The following NRG2 variants were observed in gnomAD, a reference collection of about 807,000 sequenced individuals.
NRG2 encodes the protein neuregulin 2, also known as pro-neuregulin-2, membrane-bound isoform.
Under a neutral mutation model 73.9 loss-of-function variants are expected in NRG2, and 27 were observed. The ratio of observed to expected loss-of-function variants is 0.37; its 90% CI spans 0.27 to 0.50. NRG2 has a LOEUF of 0.50. Among genes scored for constraint, NRG2 ranks in the 20% least tolerant of loss-of-function variants. The pLI, the probability that NRG2 is intolerant of heterozygous loss-of-function variation, is 0.96. For synonymous variants in NRG2, 532 were observed against 541.0 expected, an observed-to-expected ratio of 0.98 and a Z score of 0.23; for missense variants, 1,126 against 1,210.1, an observed-to-expected ratio of 0.93 and a Z score of 1.03.
intron 1 of NRG2, 51 bp downstream of exon 1, chr5:140,042,319 C>T (rs1206484034): frequency 2.2e-6 from 3 of 1,337,272 alleles, no homozygotes; most frequent in Admixed American, 2.6e-5. Context: ...CCCCATTCTC[C>T]ACCACCTCGC....
intron 1 of NRG2, among the ~76,000 whole-genome samples, chr5:139,918,099 T>A (rs1751401143): frequency 6.6e-6 from 1 of 152,258 alleles, no homozygotes; most frequent in Non-Finnish European, 1.5e-5. Flanking sequence ...TGCGCGTGGA[T>A]ATTCCATTGT....
chr5:139,942,909 C>T lies in NRG2; in HGVS notation c.701-55398G>A, dbSNP rs141560397. The stretch of plus-strand genomic sequence containing the variant: ...AGGCTAGAGTGCAGTGGTGGCATCT[C>T]GGCTTACTGCAACCTCCACCTTCTA... On this transcript the variant is annotated intron_variant, in intron 1 of 9. Transcript: ENST00000361474. Among the ~76,000 whole-genome samples, 17 of 152,300 alleles carry T rather than the reference C, an allele frequency of 1.1e-4. No homozygotes were observed. In the East Asian group the frequency reaches 2.1e-3, roughly 19 times the overall value.
At chr5:140,002,536 C>T (rs1758570056) in intron 1 of NRG2, among the ~76,000 whole-genome samples, 1 of 152,162 alleles carries the variant, frequency 6.6e-6, no homozygotes, top group African/African-American at 2.4e-5. Flanking sequence ...GAGACAGGAA[C>T]ATGTCTGACA....
intron 1 of NRG2, among the ~76,000 whole-genome samples, chr5:140,030,979 T>C (rs1404117073): frequency 2.0e-5 from 3 of 152,150 alleles, no homozygotes; most frequent in African/African-American, 4.8e-5. Context: ...GGAAGATGAC[T>C]TCTGGAAAAA....
chr5:139,905,488 T>C (rs562604997), intron 1 of NRG2, among the ~76,000 whole-genome samples: 1 of 152,184 alleles, frequency 6.6e-6, no homozygotes, highest in Non-Finnish European at 1.5e-5. Flanking sequence ...AGGATTCTCC[T>C]TAGGAGAGCC....
intron 1 of NRG2, among the ~76,000 whole-genome samples, chr5:140,030,261 T>A (rs1761028357): frequency 6.6e-6 from 1 of 152,198 alleles, no homozygotes; most frequent in South Asian, 2.1e-4. Flanking sequence ...AGGAAGCCCA[T>A]CAAACCCACT....
At chr5:139,923,380 T>A (rs777345821) in intron 1 of NRG2, among the ~76,000 whole-genome samples, 1 of 152,172 alleles carries the variant, frequency 6.6e-6, no homozygotes, top group Non-Finnish European at 1.5e-5. Context: ...TCCTAGGCAC[T>A]CTGTTGGGGA....
At chr5:139,995,547 A>G (rs1757959455) in intron 1 of NRG2, among the ~76,000 whole-genome samples, 1 of 152,198 alleles carries the variant, frequency 6.6e-6, no homozygotes, top group Non-Finnish European at 1.5e-5. Flanking sequence ...ATTGCTCTTT[A>G]GACCAGGAGC....
At chr5:139,934,886 C>T (rs1393247949) in intron 1 of NRG2, among the ~76,000 whole-genome samples, 8 of 152,104 alleles carry the variant, frequency 5.3e-5, no homozygotes, top group South Asian at 2.1e-4. Flanking sequence ...CAATCCTGGC[C>T]GGGCGCGGTG....
intron 1 of NRG2, among the ~76,000 whole-genome samples, chr5:139,940,339 C>T (rs1389767946): frequency 3.9e-5 from 6 of 152,184 alleles, no homozygotes; most frequent in African/African-American, 1.2e-4. Flanking sequence ...AGGAACCAGA[C>T]ACAAAAGAAT....
At chr5:139,860,346 G>T (rs140669732) in intron 5 of NRG2, among the ~76,000 whole-genome samples, 280 of 152,070 alleles carry the variant, frequency 1.8e-3, no homozygotes, top group African/African-American at 6.1e-3. Context: ...CAGACAGCTT[G>T]CCCAGCTCCC....
intron 1 of NRG2, among the ~76,000 whole-genome samples, chr5:139,896,368 A>T (rs764403465): frequency 5.3e-5 from 8 of 152,192 alleles, no homozygotes; most frequent in Admixed American, 2.0e-4. Context: ...GAACAGGCTC[A>T]TGTGCTCACC....
In NRG2 at chr5:140,043,272, C is replaced by G. The variant is rs1480012726; in HGVS notation, c.-203G>C. The G allele has an allele frequency of 5.2e-6, 3 of 573,346 alleles. No individual in the cohort carries two copies. In the East Asian group the frequency reaches 9.9e-5, roughly 19 times the overall value. The allele number at this position is 573,346 out of a possible 1,614,324, so 35.5% of individuals were successfully genotyped here. A position where few individuals can be genotyped will look rare whatever the true frequency, so the allele number is the denominator to read the frequency against. ...AGCGCGGCGCAGCGCAGCGCTCCCA[C>G]CCTGTGCGCCAGGACCTGGAGGAGG... On this transcript the variant is annotated 5_prime_UTR_variant, in exon 1 of 10. Coordinates refer to ENST00000361474, the MANE Select transcript of NRG2 (RefSeq NM_004883.3). The surrounding 1 kb of genome is among the most constrained non-coding windows in gnomAD (Gnocchi z 6.7).
chr5:139,994,985 C>T (rs1757919749), intron 1 of NRG2, among the ~76,000 whole-genome samples: 1 of 152,040 alleles, frequency 6.6e-6, no homozygotes, highest in African/African-American at 2.4e-5. Flanking sequence ...CCTTGGAGGC[C>T]AGGCTGAGGA....
At chr5:140,019,999 C>T (rs536179418) in intron 1 of NRG2, among the ~76,000 whole-genome samples, 5 of 152,234 alleles carry the variant, frequency 3.3e-5, no homozygotes, top group East Asian at 3.9e-4. Flanking sequence ...GATGTCCATC[C>T]GCCTCAGCCT....
chr5:139,848,232 C>A lies in NRG2; in HGVS notation c.2238G>T (p.Ser746=). The A allele has an allele frequency of 8.6e-7, 1 of 1,167,982 alleles. No homozygotes were observed. The highest frequency in any genetic ancestry group is 1.1e-6 in the Non-Finnish European group (1 of 948,564). The allele number at this position is 1,167,982 out of a possible 1,614,324, so 72.4% of individuals were successfully genotyped here. ...TSAGPRRWRR[S]RLNGLAAQRA... The stretch of plus-strand genomic sequence containing the variant: ...GCTGCGCCGCCAGCCCGTTGAGGCG[C>A]GAGCGGCGCCAGCGCCGGGGCCCCG... The change falls in exon 10 of 10, where the codon TCG becomes TCT. Residue 746 remains serine (S), a synonymous_variant. Transcript: ENST00000361474.
intron 5 of NRG2, chr5:139,861,701 C>G (rs1387483210): frequency 1.9e-6 from 1 of 514,088 alleles, no homozygotes; most frequent in African/African-American, 1.9e-5. Context: ...CCACTCCTCT[C>G]CAGGGTGTCC....
intron 1 of NRG2, among the ~76,000 whole-genome samples, chr5:139,974,337 C>T (rs1307451797): frequency 6.6e-6 from 1 of 152,010 alleles, no homozygotes; most frequent in African/African-American, 2.4e-5. Context: ...AAGGGGAGTA[C>T]CTCTGTCCTT....
intron 1 of NRG2, among the ~76,000 whole-genome samples, chr5:139,934,313 T>G (rs1752690289): frequency 6.6e-6 from 1 of 152,212 alleles, no homozygotes; most frequent in Non-Finnish European, 1.5e-5. Context: ...TTGTGGAGTT[T>G]ATAACATACA....
Sources: allele counts gnomAD v4.1 joint callset (sites outside exome capture counted in the v4.1 genomes callset), GRCh38; gene constraint gnomAD v4.1.1; non-coding constraint Gnocchi (gnomAD v3.1); transcripts MANE v1.5; gene names NCBI Gene and HGNC (gene_info 2026-07-23, HGNC 2026-07-21).